FRMD4B: variants seen among roughly 807,000 people sequenced by gnomAD.
FRMD4B encodes FERM domain-containing protein 4B.
A neutral mutation model predicts 141.5 loss-of-function variants in FRMD4B; 74 were observed. The ratio of observed to expected loss-of-function variants is 0.52; its 90% CI spans 0.43 to 0.63. FRMD4B has a LOEUF of 0.63. Ranked by LOEUF, FRMD4B falls within the 30% of genes least tolerant of loss-of-function variation. The pLI, the probability that FRMD4B is intolerant of heterozygous loss-of-function variation, is 0.00. For missense variants in FRMD4B, 1,366 were observed against 1,253.4 expected (o/e 1.09, Z -1.36); for synonymous variants, 506 against 467.9 (o/e 1.08, Z -1.05).
rs1409745984 is a variant in FRMD4B at position 69,296,090 on chromosome 3, C to T, written c.416+6253G>A. Among the ~76,000 whole-genome samples the T allele has an allele frequency of 3.3e-5, 5 of 152,176 alleles. No individual in the cohort carries two copies. The South Asian group carries it at 6.2e-4, about 19-fold the overall frequency. On this transcript the variant is annotated intron_variant, in intron 4 of 22. Coordinates refer to ENST00000398540, the MANE Select transcript of FRMD4B (RefSeq NM_015123.3). ...TTGGCCTCCCAAAGTGCTGAGATTA[C>T]AAGCATGAGTCACTGCTCGTGAGTG...
At chr3:69,442,164 C>T (rs1314405885) in intron 1 of FRMD4B, among the ~76,000 whole-genome samples, 1 of 151,920 alleles carries the variant, frequency 6.6e-6, no homozygotes, top group Non-Finnish European at 1.5e-5. Flanking sequence ...AGCTTGCAGC[C>T]TTGAACTCCT....
At chr3:69,214,512 T>A (rs575540245) in intron 11 of FRMD4B, among the ~76,000 whole-genome samples, 2 of 152,218 alleles carry the variant, frequency 1.3e-5, no homozygotes, top group East Asian at 3.9e-4. Flanking sequence ...CTATATGGAT[T>A]CTTCAACTCT....
At chr3:69,425,408 T>G (rs868852106) in intron 2 of FRMD4B, among the ~76,000 whole-genome samples, 1 of 152,202 alleles carries the variant, frequency 6.6e-6, no homozygotes, top group African/African-American at 2.4e-5. Flanking sequence ...CACCTGAAAC[T>G]AGTGCTAGAA....
Position 69,516,158 on chromosome 3 carries a change from G to T in FRMD4B, c.-129+26048C>A, listed in dbSNP as rs569840827. ...GAAGATTGCTTCAACCCAGGGGTTT[G>T]AGGCTGTGGTGAGCAATGATGGCAT... On this transcript the variant is annotated intron_variant, in intron 1 of 5. Coordinates refer to the FRMD4B transcript ENST00000459638. Among the ~76,000 whole-genome samples the T allele has an allele frequency of 2.0e-5, 3 of 152,244 alleles. No homozygotes were observed. In the South Asian group the frequency reaches 6.2e-4, roughly 32 times the overall value.
At chr3:69,528,008 T>G (rs893474647) in intron 1 of FRMD4B, among the ~76,000 whole-genome samples, 2 of 152,096 alleles carry the variant, frequency 1.3e-5, no homozygotes, top group African/African-American at 4.8e-5. Context: ...AAGAAAGCAA[T>G]TTGCATAAAA....
chr3:69,433,488 C>T (rs891599612), intron 1 of FRMD4B, among the ~76,000 whole-genome samples: 1 of 152,126 alleles, frequency 6.6e-6, no homozygotes, highest in Non-Finnish European at 1.5e-5. Flanking sequence ...GTAAGTGAAA[C>T]TCTCTGTGGC....
chr3:69,331,840 A>C (rs1702378988), intron 1 of FRMD4B, among the ~76,000 whole-genome samples: 1 of 152,218 alleles, frequency 6.6e-6, no homozygotes, highest in Non-Finnish European at 1.5e-5. Context: ...CTATAATCCC[A>C]GCACTTTGGG....
chr3:69,332,062 G>A (rs1387835784), intron 1 of FRMD4B, among the ~76,000 whole-genome samples: 1 of 152,124 alleles, frequency 6.6e-6, no homozygotes, highest in Non-Finnish European at 1.5e-5. Context: ...ATTCCAGCCT[G>A]GGCGACACAG....
chr3:69,323,631 T>G, intron 1 of FRMD4B, among the ~76,000 whole-genome samples: 1 of 60,282 alleles, frequency 1.7e-5, no homozygotes, highest in Admixed American at 2.0e-4. Flanking sequence ...TATATATATA[T>G]ATATATATAT....
chr3:69,469,971 T>C (rs780197500), intron 1 of FRMD4B, among the ~76,000 whole-genome samples: 3 of 152,218 alleles, frequency 2.0e-5, no homozygotes, highest in Non-Finnish European at 4.4e-5. Context: ...TATAGCACAG[T>C]TCTCTGTGGG....
chr3:69,353,699 G>C (rs761853998), intron 1 of FRMD4B: 1 of 984,938 alleles, frequency 1.0e-6, no homozygotes, highest in African/African-American at 1.7e-5. Flanking sequence ...CAAGCCAGTG[G>C]AAGTAGGAAC....
chr3:69,251,586 C>T (rs984950984), intron 5 of FRMD4B, among the ~76,000 whole-genome samples: 2 of 152,198 alleles, frequency 1.3e-5, no homozygotes, highest in Admixed American at 6.5e-5. Flanking sequence ...TTAATTTCAT[C>T]CTCTAACACA....
At chr3:69,481,888 G>A (rs114918973) in intron 1 of FRMD4B, among the ~76,000 whole-genome samples, 1 of 152,292 alleles carries the variant, frequency 6.6e-6, no homozygotes, top group South Asian at 2.1e-4. Flanking sequence ...ACAGCAACCA[G>A]CGAAATAAGG....
intron 7 of FRMD4B, among the ~76,000 whole-genome samples, chr3:69,231,798 T>G (rs900331771): frequency 6.6e-6 from 1 of 152,172 alleles, no homozygotes; most frequent in Non-Finnish European, 1.5e-5. Context: ...ATGAATCCAC[T>G]GGGATGTTAG....
At chr3:69,362,848 A>G (rs1703510383) in intron 1 of FRMD4B, among the ~76,000 whole-genome samples, 1 of 152,112 alleles carries the variant, frequency 6.6e-6, no homozygotes, top group Non-Finnish European at 1.5e-5. Flanking sequence ...CATTTTCCTT[A>G]TATCAGCACA....
Position 69,169,706 on chromosome 3 carries a change from A to AT in FRMD4B, c.*2154dup, listed in dbSNP as rs999906091. 6.4e-4 allele frequency among the ~76,000 whole-genome samples: 98 copies of AT among 152,152 alleles called. No individual in the cohort carries two copies. The highest frequency in any genetic ancestry group is 2.2e-3 in the African/African-American group (93 of 41,524). ...TTTTCCTCTGTGGGAGCCAAGTTAT[A>AT]TTTGCCCTTTCAAGGCATGCTTGCA... On this transcript the variant is annotated 3_prime_UTR_variant, in exon 23 of 23. Coordinates refer to ENST00000398540, the MANE Select transcript of FRMD4B (RefSeq NM_015123.3).
chr3:69,355,803 T>A (rs1222903630), intron 1 of FRMD4B, among the ~76,000 whole-genome samples: 2 of 152,134 alleles, frequency 1.3e-5, no homozygotes, highest in African/African-American at 2.4e-5. Context: ...GGTTGGCAGA[T>A]CACCTGAGGT....
At chr3:69,455,230 A>G (rs920696680) in intron 1 of FRMD4B, among the ~76,000 whole-genome samples, 2 of 152,220 alleles carry the variant, frequency 1.3e-5, no homozygotes, top group African/African-American at 2.4e-5. Flanking sequence ...GGGTGGGGTC[A>G]GCTAAGGGAA....
In FRMD4B at chr3:69,196,386, G is replaced by A. The variant is rs1167481067; in HGVS notation, c.1103C>T (p.Pro368Leu). The part of the protein sequence containing the change: ...LDRKQSKAKI[P>L]SARSLDEIAM... ...AATCTCATCTAAACTCCTGGCTGAA[G>A]GAATTTTTGCCTAAGAGGCATACAA... Residue 368 changes from proline to leucine, a missense_variant, in exon 14 of 23, where the codon CCT (proline) becomes CTT (leucine). Pro to Leu is a moderately conservative substitution (Grantham distance 98, BLOSUM62 -3). Coordinates refer to ENST00000398540, the MANE Select transcript of FRMD4B (RefSeq NM_015123.3). 6.2e-7 allele frequency: 1 copy of A among 1,608,430 alleles called. No homozygotes were observed. Among genetic ancestry groups the A allele is most frequent in the East Asian group, 2.2e-5 (1 of 44,664 alleles).
Sources: gnomAD v4.1 joint callset for allele counts (sites outside exome capture counted in the v4.1 genomes callset) on GRCh38, gnomAD v4.1.1 for gene constraint, MANE v1.5 for transcripts, NCBI Gene and HGNC (gene_info 2026-07-23, HGNC 2026-07-21) for gene names.